CDH18: variants seen among roughly 807,000 people sequenced by gnomAD.
The protein encoded by CDH18 is cadherin-18.
Under a neutral mutation model 67.9 loss-of-function variants are expected in CDH18, and 31 were observed. The observed-to-expected ratio is 0.46, with a 90% CI of 0.34 to 0.62. The LOEUF (loss-of-function observed/expected upper bound fraction) is 0.62, where lower values mean the gene tolerates loss of function less well. CDH18 is among the 20% of genes least tolerant of loss of function. CDH18 has a pLI of 0.01. For missense variants in CDH18, 890 were observed against 975.5 expected (o/e 0.91, Z 1.17); for synonymous variants, 362 against 347.2 (o/e 1.04, Z -0.48).
In CDH18 at chr5:20,414,369, G is replaced by C. The variant is rs146025556; in HGVS notation, c.-579-158864C>G. The stretch of plus-strand genomic sequence containing the variant: ...TCTTAAGTGAATTAACACAGAAACT[G>C]AAAATCAAATACTGCCTGCTCTCAC... On this transcript the variant is annotated intron_variant, in intron 1 of 14. Coordinates refer to the CDH18 transcript ENST00000507958. 2.1e-3 allele frequency among the ~76,000 whole-genome samples: 323 copies of C among 152,292 alleles called. 2 individuals carry two copies. The highest frequency in any genetic ancestry group is 7.4e-3 in the African/African-American group (306 of 41,568).
intron 1 of CDH18, among the ~76,000 whole-genome samples, chr5:20,348,031 AC>A (rs1442743431): frequency 2.6e-5 from 4 of 152,186 alleles, no homozygotes; most frequent in African/African-American, 7.2e-5. Flanking sequence ...ACTTAGCTGT[AC>A]TAGGGACTAA....
At chr5:20,303,181 T>A (rs1736092694) in intron 1 of CDH18, among the ~76,000 whole-genome samples, 1 of 152,138 alleles carries the variant, frequency 6.6e-6, no homozygotes, top group Admixed American at 6.6e-5. Flanking sequence ...GTGGGGTTGA[T>A]CAGGGTACAA....
intron 5 of CDH18, among the ~76,000 whole-genome samples, chr5:19,703,189 C>T (rs989991103): frequency 7.9e-5 from 12 of 152,198 alleles, no homozygotes; most frequent in East Asian, 5.8e-4. Context: ...GAGCTGGTCT[C>T]GGCAAGTGGT....
intron 12 of CDH18, among the ~76,000 whole-genome samples, chr5:19,475,751 C>G (rs1162053204): frequency 6.6e-6 from 1 of 151,920 alleles, no homozygotes; most frequent in Non-Finnish European, 1.5e-5. Context: ...CTGAAATTCA[C>G]ATTTATCTGG....
intron 2 of CDH18, among the ~76,000 whole-genome samples, chr5:20,213,846 G>C (rs982441679): frequency 6.6e-6 from 1 of 151,840 alleles, no homozygotes; most frequent in African/African-American, 2.4e-5. Context: ...TGGATGTGTT[G>C]ATCTTTTATA....
chr5:20,265,511 G>T (rs1744965104), intron 1 of CDH18, among the ~76,000 whole-genome samples: 1 of 151,778 alleles, frequency 6.6e-6, no homozygotes, highest in African/African-American at 2.4e-5. Flanking sequence ...GGAATATAAG[G>T]CTCAGGGGCA....
intron 3 of CDH18, among the ~76,000 whole-genome samples, chr5:19,794,957 T>C (rs548359302): frequency 1.3e-5 from 2 of 152,118 alleles, no homozygotes; most frequent in African/African-American, 4.8e-5. Context: ...TCTGGAGAAA[T>C]AGGTCAGCAG....
chr5:20,291,468 G>C (rs1747099390), intron 1 of CDH18, among the ~76,000 whole-genome samples: 1 of 152,152 alleles, frequency 6.6e-6, no homozygotes, highest in African/African-American at 2.4e-5. Flanking sequence ...ACCAAAAACG[G>C]AAATGAAATT....
chr5:19,780,232 G>A (rs1351992124), intron 3 of CDH18, among the ~76,000 whole-genome samples: 1 of 151,954 alleles, frequency 6.6e-6, no homozygotes, highest in South Asian at 2.1e-4. Flanking sequence ...AACTAAACAC[G>A]GTTATGGATA....
intron 2 of CDH18, among the ~76,000 whole-genome samples, chr5:20,127,793 A>T (rs10060547): frequency 1.3e-5 from 2 of 152,086 alleles, no homozygotes; most frequent in South Asian, 4.1e-4. Context: ...AGTTAAAAAT[A>T]CTGTATTATA....
chr5:19,858,451 T>G (rs1370484337), intron 2 of CDH18, among the ~76,000 whole-genome samples: 1 of 152,170 alleles, frequency 6.6e-6, no homozygotes, highest in Non-Finnish European at 1.5e-5. Flanking sequence ...AATTAAATAA[T>G]AAATCAAGTT....
chr5:19,725,128 A>G (rs926432132), intron 4 of CDH18, among the ~76,000 whole-genome samples: 4 of 151,952 alleles, frequency 2.6e-5, no homozygotes, highest in African/African-American at 9.7e-5. Context: ...GGGTTTCACC[A>G]TGTTAGCCAG....
intron 2 of CDH18, among the ~76,000 whole-genome samples, chr5:20,145,226 GATACCT>G (rs1357403478): frequency 5.6e-4 from 85 of 152,146 alleles, no homozygotes; most frequent in Admixed American, 3.1e-3. Flanking sequence ...ATATATGTGA[GATACCT>G]ATACATTGAT....
intron 1 of CDH18, chr5:20,304,255 G>T (rs1561954913): frequency 1.3e-6 from 2 of 1,588,684 alleles, no homozygotes; most frequent in East Asian, 2.2e-5. Flanking sequence ...TGCCTAAATT[G>T]GTGTCTGCCC....
chr5:19,605,722 C>T (rs1747932132), intron 6 of CDH18, among the ~76,000 whole-genome samples: 1 of 151,880 alleles, frequency 6.6e-6, no homozygotes, highest in Non-Finnish European at 1.5e-5. Flanking sequence ...AGAAAGAAAC[C>T]ATAACAAAAC....
chr5:19,581,313 T>C (rs955875718), intron 7 of CDH18, among the ~76,000 whole-genome samples: 1 of 152,020 alleles, frequency 6.6e-6, no homozygotes, highest in African/African-American at 2.4e-5. Flanking sequence ...AAAGTAGTAC[T>C]TTCTCCTCTA....
chr5:19,758,239 T>C (rs1771884100), intron 3 of CDH18, among the ~76,000 whole-genome samples: 3 of 152,210 alleles, frequency 2.0e-5, no homozygotes, highest in South Asian at 2.1e-4. Flanking sequence ...CAGTTAATGA[T>C]AGGCAGTACA....
chr5:20,204,946 T>A (rs768262840), intron 2 of CDH18, among the ~76,000 whole-genome samples: 5 of 151,580 alleles, frequency 3.3e-5, no homozygotes, highest in Non-Finnish European at 5.9e-5. Context: ...TTAAAAAAAA[T>A]TTTACCAGAA....
intron 1 of CDH18, among the ~76,000 whole-genome samples, chr5:20,535,722 C>T (rs998233377): frequency 6.6e-6 from 1 of 152,142 alleles, no homozygotes; most frequent in Non-Finnish European, 1.5e-5. Flanking sequence ...CTAATGAATT[C>T]TGATGATTCT....
Sources: gnomAD v4.1 joint callset for allele counts (sites outside exome capture counted in the v4.1 genomes callset) on GRCh38, gnomAD v4.1.1 for gene constraint, MANE v1.5 for transcripts, NCBI Gene and HGNC (gene_info 2026-07-23, HGNC 2026-07-21) for gene names.